Variants in GLRA2 observed in about 807,000 individuals in gnomAD.
GLRA2 encodes the protein glycine receptor subunit alpha-2.
In GLRA2, 11 loss-of-function variants were observed where a neutral mutation model predicts 31.6. That is an observed-to-expected ratio of 0.35 (90% CI 0.22 to 0.58). GLRA2 has a LOEUF of 0.58. GLRA2 is among the 20% of genes least tolerant of loss of function. The pLI is 0.84. For missense variants in GLRA2, 212 were observed against 351.8 expected (o/e 0.60, Z 3.18); for synonymous variants, 132 against 134.0 (o/e 0.99, Z 0.10).
chrX:14,535,781 T>C (rs777313005), intron 2 of GLRA2, among the ~76,000 whole-genome samples: 1 of 112,663 alleles, frequency 8.9e-6, no homozygotes, highest in Non-Finnish European at 1.9e-5. Context: ...TGTTATTCCA[T>C]CATCCTATCA....
intron 7 of GLRA2, among the ~76,000 whole-genome samples, chrX:14,674,779 G>GCA (rs199760302): frequency 9.6e-6 from 1 of 104,004 alleles, no homozygotes; most frequent in Non-Finnish European, 2.0e-5. Flanking sequence ...TCTCTCCCAT[G>GCA]CACACACACA....
intron 7 of GLRA2, among the ~76,000 whole-genome samples, chrX:14,634,149 A>G (rs1193817539): frequency 9.0e-6 from 1 of 110,752 alleles, no homozygotes; most frequent in Admixed American, 9.6e-5. Flanking sequence ...GGGTTTCACC[A>G]TGTTGGCCAG....
rs1365113434 is a variant in GLRA2 at position 14,729,122 on chromosome X, G to A, written c.1081-1085G>A. Among the ~76,000 whole-genome samples the A allele has an allele frequency of 6.2e-5, 7 of 112,071 alleles. No homozygotes were observed. The Admixed American group carries it at 6.6e-4, about 11-fold the overall frequency. On this transcript the variant is annotated intron_variant, in intron 8 of 8. Transcript: ENST00000218075. Reference sequence around the variant, plus strand: ...AGTATACCTTTTATATGTGGATGAAGACACTACTGACATTCAGTAAGCATT... The same window carrying A: ...AGTATACCTTTTATATGTGGATGAAAACACTACTGACATTCAGTAAGCATT...
At chrX:14,547,459 G>T (rs1420034932) in intron 2 of GLRA2, among the ~76,000 whole-genome samples, 1 of 111,321 alleles carries the variant, frequency 9.0e-6, no homozygotes, top group Non-Finnish European at 1.9e-5. Context: ...TCTGTCTGAG[G>T]TTGAGTTTCC....
intron 7 of GLRA2, among the ~76,000 whole-genome samples, chrX:14,685,368 T>C (rs901015964): frequency 1.8e-5 from 2 of 112,086 alleles, no homozygotes; most frequent in African/African-American, 3.2e-5. Flanking sequence ...TTTCTATTGA[T>C]GGCAATAGTT....
rs560516637 is a variant in GLRA2 at position 14,547,851 on chromosome X, T to G, written c.202+15479T>G. On this transcript the variant is annotated intron_variant, in intron 2 of 8. Coordinates refer to ENST00000218075, the MANE Select transcript of GLRA2 (RefSeq NM_002063.4). ...TATCTTGTGATTAGTTGCTTCTCTA[T>G]TTCTTTCCATCCTAGACTAGTTCAA... Among the ~76,000 whole-genome samples the G allele has an allele frequency of 1.2e-4, 13 of 111,856 alleles. No individual in the cohort carries two copies. The South Asian group carries it at 4.8e-3, about 42-fold the overall frequency.
chrX:14,580,422 T>C (rs1294166581), intron 3 of GLRA2, among the ~76,000 whole-genome samples: 1 of 111,499 alleles, frequency 9.0e-6, no homozygotes, highest in Non-Finnish European at 1.9e-5. Context: ...CTAAGGTCTT[T>C]GAGTAGAAGT....
At chrX:14,604,218 G>A (rs3213634) in intron 4 of GLRA2, 97 bp from the exon 5 acceptor site, 1 of 463,981 alleles carries the variant, frequency 2.2e-6, no homozygotes, top group East Asian at 4.0e-5. Flanking sequence ...TTGAATCAAT[G>A]TCACTTTGCT....
rs142951677 is a variant in GLRA2 at position 14,689,166 on chromosome X, G to A, written c.931-1544G>A. Among the ~76,000 whole-genome samples, 664 of 111,721 alleles carry A rather than the reference G, an allele frequency of 5.9e-3. 3 individuals are homozygous for A. The highest frequency in any genetic ancestry group is 0.021 in the African/African-American group (638 of 30,717). ...CTGCTTTTATGTCCACTGTGCTCCT[G>A]CAAACCTTCTAATTCAAGAGCCTGT... On this transcript the variant is annotated intron_variant, in intron 7 of 8. Transcript: ENST00000218075.
At chrX:14,460,163 G>C in the GLRA2 span, among the ~76,000 whole-genome samples, 1 of 111,891 alleles carries the variant, frequency 8.9e-6, no homozygotes, top group Non-Finnish European at 1.9e-5. Flanking sequence ...CTGTTTATGT[G>C]ATGGATTACG....
At chrX:14,508,928 C>T in the GLRA2 span, among the ~76,000 whole-genome samples, 1 of 111,538 alleles carries the variant, frequency 9.0e-6, no homozygotes, top group African/African-American at 3.3e-5. Flanking sequence ...ACACCAGAAA[C>T]AAATGTCATG....
chrX:14,547,511 C>G (rs886154661), intron 2 of GLRA2, among the ~76,000 whole-genome samples: 1 of 110,978 alleles, frequency 9.0e-6, no homozygotes, highest in Non-Finnish European at 1.9e-5. Context: ...TAAGAATAAG[C>G]AATCAGGGGA....
intron 4 of GLRA2, among the ~76,000 whole-genome samples, chrX:14,589,051 A>G (rs1217571052): frequency 1.8e-5 from 2 of 111,269 alleles, no homozygotes; most frequent in African/African-American, 3.3e-5. Flanking sequence ...CTCTCTTCCT[A>G]TTTAGATGCC....
Position 14,711,072 on chromosome X carries a change from T to C in GLRA2, c.1081-19135T>C, listed in dbSNP as rs578061243. On this transcript the variant is annotated intron_variant, in intron 8 of 8. Coordinates refer to ENST00000218075, the MANE Select transcript of GLRA2 (RefSeq NM_002063.4). Reference sequence around the variant, plus strand: ...TGATTAGTTTCCTTGGAGCCATTAATACAAATATGAGTGAACTCAAAAGAG... The same window carrying C: ...TGATTAGTTTCCTTGGAGCCATTAACACAAATATGAGTGAACTCAAAAGAG... Among the ~76,000 whole-genome samples, 278 of 112,524 alleles carry C rather than the reference T, an allele frequency of 2.5e-3. 2 individuals are homozygous for C. Among genetic ancestry groups the C allele is most frequent in the African/African-American group, 8.3e-3 (257 of 31,070 alleles).
chrX:14,475,401 A>G, the GLRA2 span, among the ~76,000 whole-genome samples: 2 of 112,291 alleles, frequency 1.8e-5, no homozygotes, highest in Non-Finnish European at 3.8e-5. Flanking sequence ...AACTTGTTAA[A>G]TTTTTGTTAT....
the GLRA2 span, among the ~76,000 whole-genome samples, chrX:14,507,937 A>C: frequency 3.7e-5 from 4 of 109,380 alleles, no homozygotes; most frequent in African/African-American, 1.3e-4. Context: ...CAAGTGATCC[A>C]CCCGCCTTGG....
At chrX:14,686,739 A>G (rs2091283033) in intron 7 of GLRA2, among the ~76,000 whole-genome samples, 1 of 111,678 alleles carries the variant, frequency 9.0e-6, no homozygotes, top group African/African-American at 3.3e-5. Flanking sequence ...TCCTGAATAC[A>G]GCACACTGAT....
chrX:14,570,994 CTCTT>C (rs1417064564), intron 2 of GLRA2, among the ~76,000 whole-genome samples: 1 of 109,513 alleles, frequency 9.1e-6, no homozygotes, highest in African/African-American at 3.3e-5. Context: ...GGCCAGGCCA[CTCTT>C]TCTCATAAGA....
the GLRA2 span, among the ~76,000 whole-genome samples, chrX:14,455,588 T>C: frequency 8.9e-6 from 1 of 111,771 alleles, no homozygotes; most frequent in South Asian, 3.7e-4. Context: ...AATAGTTTCA[T>C]GGTAGGGATC....
Sources: gnomAD v4.1 joint callset for allele counts (sites outside exome capture counted in the v4.1 genomes callset) on GRCh38, gnomAD v4.1.1 for gene constraint, MANE v1.5 for transcripts, NCBI Gene and HGNC (gene_info 2026-07-23, HGNC 2026-07-21) for gene names.